PCDH15: variants seen among roughly 807,000 people sequenced by gnomAD.
PCDH15 encodes the protein protocadherin-15.
In PCDH15, 129 loss-of-function variants were observed where a neutral mutation model predicts 178.5. The ratio of observed to expected loss-of-function variants is 0.72; its 90% CI spans 0.63 to 0.84. The LOEUF (loss-of-function observed/expected upper bound fraction) is 0.84. Among genes scored for constraint, PCDH15 ranks in the 40% least tolerant of loss-of-function variants. The pLI is 0.00. For synonymous variants in PCDH15, 800 were observed against 732.0 expected (o/e 1.09, Z -1.50); for missense variants, 2,230 against 2,099.9 (o/e 1.06, Z -1.21).
intron 2 of PCDH15, among the ~76,000 whole-genome samples, chr10:55,054,231 T>A (rs776158614): frequency 2.6e-5 from 4 of 152,180 alleles, no homozygotes; most frequent in Non-Finnish European, 5.9e-5. Flanking sequence ...TGTGTGTCTA[T>A]GTGTTTTCAT....
upstream of PCDH15, among the ~76,000 whole-genome samples, chr10:54,801,453 C>G (rs1051051498): frequency 6.6e-6 from 1 of 152,180 alleles, no homozygotes; most frequent in African/African-American, 2.4e-5. Context: ...CACTGATCAT[C>G]GGTACTGGCT....
intron 18 of PCDH15, among the ~76,000 whole-genome samples, chr10:54,048,213 G>C (rs2093694713): frequency 6.6e-6 from 1 of 151,988 alleles, no homozygotes; most frequent in Non-Finnish European, 1.5e-5. Flanking sequence ...CTTGAGAAGT[G>C]TCTGCTCATA....
At chr10:55,467,548 T>C (rs1439403373) in intron 2 of PCDH15, among the ~76,000 whole-genome samples, 1 of 152,132 alleles carries the variant, frequency 6.6e-6, no homozygotes, top group South Asian at 2.1e-4. Flanking sequence ...ATTTTATCAC[T>C]GTTAGTTAAA....
chr10:54,428,959 G>T (rs900269933), intron 3 of PCDH15, among the ~76,000 whole-genome samples: 1 of 152,192 alleles, frequency 6.6e-6, no homozygotes, highest in Non-Finnish European at 1.5e-5. Context: ...GGTTGTTAGT[G>T]AGCAAGAATA....
At chr10:55,438,342 T>C (rs7909141) in intron 2 of PCDH15, among the ~76,000 whole-genome samples, 47,071 of 151,874 alleles carry the variant, frequency 0.31, 7,476 homozygotes, top group Middle Eastern at 0.37. Flanking sequence ...TATAAAGGAT[T>C]GAAAATAACA....
intron 6 of PCDH15, among the ~76,000 whole-genome samples, chr10:54,342,893 G>T (rs1942517723): frequency 6.6e-6 from 1 of 152,170 alleles, no homozygotes; most frequent in South Asian, 2.1e-4. Flanking sequence ...GGCCTGTGGT[G>T]CCTTTATTTG....
Position 53,878,937 on chromosome 10 carries a change from A to G in PCDH15, c.3502-12080T>C, listed in dbSNP as rs143024221. ...TCCTCATTTGTAAAATGAGGAAAATAGGACATGCTGAATAAGTTGGCTGTG... is the reference window on the plus strand; with the variant it reads ...TCCTCATTTGTAAAATGAGGAAAATGGGACATGCTGAATAAGTTGGCTGTG... On this transcript the variant is annotated intron_variant, in intron 26 of 37. Transcript: ENST00000644397. 2.6e-3 allele frequency among the ~76,000 whole-genome samples: 393 copies of G among 152,292 alleles called. 1 individual carries two copies. The highest frequency in any genetic ancestry group is 8.9e-3 in the African/African-American group (369 of 41,558).
chr10:54,623,366 T>C (rs1311575661), intron 2 of PCDH15, among the ~76,000 whole-genome samples: 1 of 152,142 alleles, frequency 6.6e-6, no homozygotes, highest in Non-Finnish European at 1.5e-5. Flanking sequence ...TTTATATATT[T>C]TATAAGTACT....
intron 1 of PCDH15, among the ~76,000 whole-genome samples, chr10:54,777,531 A>G (rs1441843504): frequency 1.3e-5 from 2 of 152,238 alleles, no homozygotes; most frequent in African/African-American, 4.8e-5. Context: ...TAAAGCAGAC[A>G]TTCCCAACAG....
At chr10:54,474,003 C>T (rs1266212453) in intron 3 of PCDH15, among the ~76,000 whole-genome samples, 2 of 151,654 alleles carry the variant, frequency 1.3e-5, no homozygotes, top group African/African-American at 2.4e-5. Context: ...ATTACATATA[C>T]ATCTTTTAAA....
At chr10:55,509,003 C>T (rs953947711) in intron 2 of PCDH15, among the ~76,000 whole-genome samples, 1 of 151,502 alleles carries the variant, frequency 6.6e-6, no homozygotes, top group East Asian at 1.9e-4. Flanking sequence ...AACACAAAAG[C>T]TGAAAATACA....
intron 3 of PCDH15, among the ~76,000 whole-genome samples, chr10:54,895,872 A>G (rs2131820504): frequency 6.6e-6 from 1 of 152,160 alleles, no homozygotes; most frequent in South Asian, 2.1e-4. Flanking sequence ...TAACTGAAAA[A>G]TAGCTAAGGG....
intron 10 of PCDH15, among the ~76,000 whole-genome samples, chr10:54,208,145 GA>G (rs1282826113): frequency 6.6e-6 from 1 of 151,988 alleles, no homozygotes; most frequent in Non-Finnish European, 1.5e-5. Flanking sequence ...ATTGATTTCA[GA>G]AATTGTAATA....
chr10:55,599,276 A>G (rs1003129708), intron 2 of PCDH15: 1 of 152,210 alleles, frequency 6.6e-6, no homozygotes, highest in African/African-American at 2.4e-5. Context: ...AAGCCTACGG[A>G]GGCTGGTGAT....
rs138265709 is a variant in PCDH15, at chr10:55,532,088, C to A, written c.-156+95537G>T. Among the ~76,000 whole-genome samples the A allele has an allele frequency of 1.3e-3, 195 of 151,826 alleles. 1 individual carries two copies. Among genetic ancestry groups the A allele is most frequent in the African/African-American group, 4.5e-3 (186 of 41,452 alleles). On this transcript the variant is annotated intron_variant, in intron 2 of 5. Transcript: ENST00000613346. Reference sequence around the variant, plus strand: ...AACTATGAATAACAGTTGTACATAGCTATTTATAATTTTCTAATATTTATT... The same window carrying A: ...AACTATGAATAACAGTTGTACATAGATATTTATAATTTTCTAATATTTATT...
chr10:54,686,650 A>T (rs569958642), intron 1 of PCDH15, among the ~76,000 whole-genome samples: 162 of 152,190 alleles, frequency 1.1e-3, no homozygotes, highest in African/African-American at 3.8e-3. Flanking sequence ...TTCCACCACC[A>T]TGTGTTGATT....
intron 2 of PCDH15, among the ~76,000 whole-genome samples, chr10:55,481,295 C>A (rs1200734890): frequency 1.3e-5 from 2 of 151,556 alleles, no homozygotes. Flanking sequence ...CTTCTGGATT[C>A]ATTGATCTTT....
intron 6 of PCDH15, among the ~76,000 whole-genome samples, chr10:54,344,845 C>T (rs774312455): frequency 6.2e-5 from 9 of 145,406 alleles, no homozygotes; most frequent in Non-Finnish European, 1.1e-4. Flanking sequence ...TCATCATATC[C>T]CCAACTCTTG....
At chr10:53,945,866 T>TC (rs2134126911) in intron 23 of PCDH15, among the ~76,000 whole-genome samples, 1 of 140,038 alleles carries the variant, frequency 7.1e-6, no homozygotes, top group East Asian at 2.0e-4. Flanking sequence ...TATATATATA[T>TC]ATATATATAT....
Sources: allele counts gnomAD v4.1 joint callset (sites outside exome capture counted in the v4.1 genomes callset), GRCh38; gene constraint gnomAD v4.1.1; transcripts MANE v1.5; gene names NCBI Gene and HGNC (gene_info 2026-07-23, HGNC 2026-07-21).